Variants in COA1 observed in about 807,000 individuals in gnomAD.
COA1 encodes the protein cytochrome c oxidase assembly factor 1 homolog.
COA1 carries 13 observed loss-of-function variants against 16.0 expected under a neutral mutation model. The ratio of observed to expected loss-of-function variants is 0.81; its 90% confidence interval spans 0.53 to 1.29. The LOEUF is 1.29. Ranked by LOEUF, COA1 falls within the 50% of genes most tolerant of loss-of-function variation. The pLI is 0.00. For synonymous variants in COA1, 65 were observed against 65.7 expected, an observed-to-expected ratio of 0.99 and a Z score of 0.05; for missense variants, 179 against 177.0, an observed-to-expected ratio of 1.01 and a Z score of -0.06.
intron 1 of COA1, among the ~76,000 whole-genome samples, chr7:43,677,146 T>C (rs1178815424): frequency 3.3e-5 from 5 of 152,196 alleles, no homozygotes; most frequent in African/African-American, 2.4e-5. Context: ...AGATTTCTCA[T>C]GTTGAATATT....
At chr7:43,644,773 G>GAGAGAGAGAGAGAGAGA (rs2088556990) in intron 4 of COA1, among the ~76,000 whole-genome samples, 1 of 108,950 alleles carries the variant, frequency 9.2e-6, no homozygotes, top group African/African-American at 3.5e-5. Context: ...CAGGCAGGCA[G>GAGAGAGAGAGAGAGAGA]GCAGGCAGGC....
chr7:43,652,010 A>G (rs926158623), intron 1 of COA1, among the ~76,000 whole-genome samples: 1 of 152,178 alleles, frequency 6.6e-6, no homozygotes, highest in Admixed American at 6.5e-5. Context: ...ACAAACAAAC[A>G]AGACAGATGT....
At chr7:43,621,013 A>T (rs1379046878) in intron 6 of COA1, among the ~76,000 whole-genome samples, 2 of 152,200 alleles carry the variant, frequency 1.3e-5, no homozygotes, top group Non-Finnish European at 2.9e-5. Context: ...AGAAGAGGGT[A>T]AAAGGAGTGT....
chr7:43,648,599 C>T lies in COA1; in HGVS notation c.15+1G>A, dbSNP rs1315963243. 1 of 1,614,172 alleles carries T rather than the reference C, an allele frequency of 6.2e-7. No individual in the cohort carries two copies. The highest frequency in any genetic ancestry group is 8.5e-7 in the Non-Finnish European group (1 of 1,180,010). ...AACTTGGCCCTGGAACATTCCATTA[C>T]CTTTTGCCACATCATAGCACAACTC... On this transcript the variant is annotated splice_donor_variant, in intron 2 of 5. Coordinates refer to ENST00000223336, the MANE Select transcript of COA1 (RefSeq NM_018224.4). LOFTEE classifies it high-confidence loss of function.
At chr7:43,614,965 A>G (rs1431300581) in intron 6 of COA1, among the ~76,000 whole-genome samples, 2 of 152,244 alleles carry the variant, frequency 1.3e-5, no homozygotes, top group Admixed American at 6.5e-5. Flanking sequence ...GGTATTTAAG[A>G]ACATTCATAG....
chr7:43,701,460 G>A (rs2094735829), intron 1 of COA1, among the ~76,000 whole-genome samples: 1 of 152,108 alleles, frequency 6.6e-6, no homozygotes, highest in Non-Finnish European at 1.5e-5. Context: ...CTTTTTTATG[G>A]CCACACAGTA....
chr7:43,682,662 G>A (rs1554533946), intron 1 of COA1, among the ~76,000 whole-genome samples: 2 of 152,074 alleles, frequency 1.3e-5, no homozygotes, highest in Non-Finnish European at 2.9e-5. Context: ...ATTTTAGGAT[G>A]ATTTTTTTTA....
rs188861726 is a variant in COA1 at position 43,729,419 on chromosome 7, G to C, written c.-39+10C>G. The C allele has an allele frequency of 6.6e-6, 1 of 152,428 alleles. No homozygotes were observed. Among genetic ancestry groups the C allele is most frequent in the Non-Finnish European group, 1.5e-5 (1 of 68,084 alleles). 9.4% of individuals were successfully genotyped at this position (152,428 alleles called of 1,614,324 possible). A position where few individuals can be genotyped will look rare whatever the true frequency, so the allele number is the denominator to read the frequency against. On this transcript the variant is annotated intron_variant, in intron 1 of 5. Transcript: ENST00000223336. ...GGAAGACGGAGACTCTTATACCGCG[G>C]GAGACTAACCTGTGAGCAACAGAAG...
intron 1 of COA1, among the ~76,000 whole-genome samples, chr7:43,676,415 C>A (rs2093519620): frequency 6.6e-6 from 1 of 151,898 alleles, no homozygotes; most frequent in African/African-American, 2.4e-5. Context: ...TACTATTCAG[C>A]CACAAAAAAA....
At chr7:43,673,090 C>A (rs1048016941) in intron 1 of COA1, among the ~76,000 whole-genome samples, 1 of 152,186 alleles carries the variant, frequency 6.6e-6, no homozygotes, top group Non-Finnish European at 1.5e-5. Context: ...GAAATACATT[C>A]TGGACATAGG....
At chr7:43,682,059 T>A (rs1046355969) in intron 1 of COA1, among the ~76,000 whole-genome samples, 1 of 152,226 alleles carries the variant, frequency 6.6e-6, no homozygotes, top group African/African-American at 2.4e-5. Flanking sequence ...AGGAGGTTAA[T>A]GGGCTTTTAA....
At chr7:43,713,539 T>G (rs2095313317) in intron 1 of COA1, among the ~76,000 whole-genome samples, 1 of 152,200 alleles carries the variant, frequency 6.6e-6, no homozygotes, top group African/African-American at 2.4e-5. Context: ...TTATAGAGCA[T>G]CCTGTTTTTA....
chr7:43,642,201 G>A (rs867635125), intron 4 of COA1: 5 of 152,430 alleles, frequency 3.3e-5, no homozygotes, highest in African/African-American at 1.2e-4. Context: ...TGTAATCCCA[G>A]CACTTTGGGA....
chr7:43,704,914 T>C (rs189222785), intron 1 of COA1, among the ~76,000 whole-genome samples: 98 of 152,350 alleles, frequency 6.4e-4, no homozygotes, highest in African/African-American at 2.2e-3. Context: ...GCACTGGTTC[T>C]TTCTTACCTG....
intron 6 of COA1, among the ~76,000 whole-genome samples, chr7:43,613,112 A>G (rs1411028899): frequency 6.6e-6 from 1 of 152,202 alleles, no homozygotes. Flanking sequence ...ATCTGGTCTT[A>G]AAATCTATTG....
At chr7:43,624,936 G>C in intron 6 of COA1, 2 of 1,115,046 alleles carry the variant, frequency 1.8e-6, no homozygotes, top group Middle Eastern at 3.1e-4. Flanking sequence ...ACTGGAAGTG[G>C]ATAACCAGTA....
At chr7:43,628,832 AGT>A (rs1345269049) in intron 6 of COA1, among the ~76,000 whole-genome samples, 2 of 152,196 alleles carry the variant, frequency 1.3e-5, no homozygotes, top group Non-Finnish European at 2.9e-5. Context: ...TGTTCTCAGT[AGT>A]ATCTGTTGAT....
chr7:43,646,442 C>T (rs548866706), intron 3 of COA1: 6 of 409,660 alleles, frequency 1.5e-5, no homozygotes, highest in South Asian at 8.6e-5. Context: ...ACACATCACA[C>T]CAATAAGGTA....
intron 1 of COA1, among the ~76,000 whole-genome samples, chr7:43,687,279 G>A (rs934083609): frequency 6.6e-6 from 1 of 152,004 alleles, no homozygotes; most frequent in African/African-American, 2.4e-5. Flanking sequence ...TTTTTAAAAG[G>A]CATAAAAAGA....
Sources: allele counts gnomAD v4.1 joint callset (sites outside exome capture counted in the v4.1 genomes callset), GRCh38; gene constraint gnomAD v4.1.1; transcripts MANE v1.5; gene names NCBI Gene and HGNC (gene_info 2026-07-23, HGNC 2026-07-21).